The following HPSE2 variants were observed in gnomAD, a reference collection of about 807,000 sequenced individuals.
HPSE2 encodes the protein heparanase 2 (inactive), also known as inactive heparanase-2.
Under a neutral mutation model 60.5 loss-of-function variants are expected in HPSE2, and 38 were observed. The ratio of observed to expected loss-of-function variants is 0.63; its 90% CI spans 0.48 to 0.82. The LOEUF (loss-of-function observed/expected upper bound fraction) is 0.82, where lower values mean the gene tolerates loss of function less well. HPSE2 is among the 40% of genes least tolerant of loss of function. The pLI, the probability that HPSE2 is intolerant of heterozygous loss-of-function variation, is 0.00. For missense variants in HPSE2, 713 were observed against 740.4 expected, an observed-to-expected ratio of 0.96 and a Z score of 0.43; for synonymous variants, 295 against 293.2, an observed-to-expected ratio of 1.01 and a Z score of -0.06.
intron 2 of HPSE2, among the ~76,000 whole-genome samples, chr10:99,172,187 C>T (rs977414018): frequency 4.6e-5 from 7 of 152,154 alleles, no homozygotes; most frequent in African/African-American, 1.7e-4. Context: ...TGCCTCCCTC[C>T]TTCTCTCACC....
chr10:99,266,406 C>T, the HPSE2 span, among the ~76,000 whole-genome samples: 1 of 152,068 alleles, frequency 6.6e-6, no homozygotes, highest in Non-Finnish European at 1.5e-5. Context: ...CTGCATGGCA[C>T]GGCAGAGGCA....
intron 3 of HPSE2, among the ~76,000 whole-genome samples, chr10:99,011,601 CA>C (rs1292777680): frequency 6.6e-6 from 1 of 151,520 alleles, no homozygotes; most frequent in Non-Finnish European, 1.5e-5. Context: ...ACTAAAAATA[CA>C]AAAATTAGCC....
chr10:99,125,109 A>G (rs1395255891), intron 3 of HPSE2, among the ~76,000 whole-genome samples: 4 of 152,330 alleles, frequency 2.6e-5, no homozygotes, highest in East Asian at 1.9e-4. Flanking sequence ...CATGCCCCCA[A>G]TCAGGCAGAA....
chr10:98,967,595 A>T (rs1444188117), intron 3 of HPSE2, among the ~76,000 whole-genome samples: 1 of 152,242 alleles, frequency 6.6e-6, no homozygotes, highest in Non-Finnish European at 1.5e-5. Flanking sequence ...TGACTCTTAC[A>T]TACAAATAAC....
intron 3 of HPSE2, among the ~76,000 whole-genome samples, chr10:98,880,546 T>C (rs1017980031): frequency 1.3e-5 from 2 of 152,092 alleles, no homozygotes; most frequent in African/African-American, 4.8e-5. Context: ...AGGAGCTTCA[T>C]ATGTGTAACT....
intron 4 of HPSE2, among the ~76,000 whole-genome samples, chr10:98,731,515 C>G (rs1267765447): frequency 6.6e-6 from 1 of 152,124 alleles, no homozygotes; most frequent in Non-Finnish European, 1.5e-5. Flanking sequence ...AAGACCAAAA[C>G]TAAATTATCA....
chr10:98,890,946 T>C (rs931064644), intron 3 of HPSE2, among the ~76,000 whole-genome samples: 2 of 152,202 alleles, frequency 1.3e-5, no homozygotes, highest in African/African-American at 2.4e-5. Flanking sequence ...CTTATTGCAA[T>C]TTGACCATAT....
intron 2 of HPSE2, among the ~76,000 whole-genome samples, chr10:99,173,989 CACAATT>C (rs1184103514): frequency 1.3e-5 from 2 of 149,328 alleles, no homozygotes; most frequent in African/African-American, 5.0e-5. Flanking sequence ...GAGTTATAAC[CACAATT>C]ACAATATTAA....
intron 11 of HPSE2, among the ~76,000 whole-genome samples, chr10:98,475,470 TGAA>T (rs10528947): frequency 0.4 from 61,230 of 151,532 alleles, 13,410 homozygotes; most frequent in African/African-American, 0.6. Context: ...ATTAGATCAC[TGAA>T]GAAGAAGAAG....
At chr10:98,473,757 C>G (rs538719178) in intron 11 of HPSE2, among the ~76,000 whole-genome samples, 28 of 152,036 alleles carry the variant, frequency 1.8e-4, no homozygotes, top group Non-Finnish European at 3.8e-4. Context: ...TTTTCCAAAG[C>G]AAGAGTAGAA....
chr10:99,193,766 TG>T (rs1194869715), intron 2 of HPSE2, among the ~76,000 whole-genome samples: 7 of 152,108 alleles, frequency 4.6e-5, no homozygotes, highest in Non-Finnish European at 1.0e-4. Flanking sequence ...CACCTAACAC[TG>T]GAGCACCTGA....
intron 3 of HPSE2, among the ~76,000 whole-genome samples, chr10:98,773,358 G>T (rs536573025): frequency 2.0e-5 from 3 of 152,116 alleles, no homozygotes; most frequent in African/African-American, 7.2e-5. Context: ...GTCCAGAAGG[G>T]TGGATAGGAC....
intron 3 of HPSE2, among the ~76,000 whole-genome samples, chr10:98,925,394 G>A (rs1954424685): frequency 6.6e-6 from 1 of 151,476 alleles, no homozygotes; most frequent in Non-Finnish European, 1.5e-5. Flanking sequence ...CTCTGGCAGG[G>A]TATAAGTGAG....
intron 3 of HPSE2, chr10:99,013,467 G>T (rs1250726673): frequency 4.6e-6 from 2 of 432,618 alleles, no homozygotes; most frequent in Non-Finnish European, 8.8e-6. Flanking sequence ...ATATTATTAT[G>T]ATTATGATTA....
At chr10:98,969,573 G>C (rs1295064203) in intron 3 of HPSE2, among the ~76,000 whole-genome samples, 8 of 152,128 alleles carry the variant, frequency 5.3e-5, no homozygotes, top group Admixed American at 5.2e-4. Flanking sequence ...TTGAGTTCTT[G>C]CTGGAGGTTA....
intron 3 of HPSE2, among the ~76,000 whole-genome samples, chr10:98,769,610 A>T (rs2134415217): frequency 6.6e-6 from 1 of 152,134 alleles, no homozygotes; most frequent in East Asian, 1.9e-4. Flanking sequence ...AAGAGCAATG[A>T]CTATGTAGAG....
At chr10:98,495,808 C>T (rs750389202) in intron 9 of HPSE2, among the ~76,000 whole-genome samples, 14 of 152,118 alleles carry the variant, frequency 9.2e-5, no homozygotes, top group Admixed American at 7.9e-4. Flanking sequence ...CTTCATTTAA[C>T]GTCTTCAAGA....
intron 3 of HPSE2, among the ~76,000 whole-genome samples, chr10:98,795,196 C>G (rs1950752710): frequency 6.6e-6 from 1 of 152,214 alleles, no homozygotes; most frequent in Admixed American, 6.5e-5. Flanking sequence ...CAGAAAATCA[C>G]TGTCACAAGA....
intron 5 of HPSE2, among the ~76,000 whole-genome samples, chr10:98,704,085 C>A (rs1172188582): frequency 6.6e-6 from 1 of 152,134 alleles, no homozygotes; most frequent in Non-Finnish European, 1.5e-5. Flanking sequence ...GAGACAAAAT[C>A]AAAGTGCAAA....
Sources: gnomAD v4.1 joint callset for allele counts (sites outside exome capture counted in the v4.1 genomes callset) on GRCh38, gnomAD v4.1.1 for gene constraint, MANE v1.5 for transcripts, NCBI Gene and HGNC (gene_info 2026-07-23, HGNC 2026-07-21) for gene names.